The following SLC9A8 variants were observed in gnomAD, a reference collection of about 807,000 sequenced individuals.
The protein encoded by SLC9A8 is solute carrier family 9 member A8.
Under a neutral mutation model 66.6 loss-of-function variants are expected in SLC9A8, and 48 were observed. That is an observed-to-expected ratio of 0.72 (90% CI 0.57 to 0.92). SLC9A8 has a LOEUF of 0.92. Ranked by LOEUF, SLC9A8 falls within the 40% of genes least tolerant of loss-of-function variation. The probability of loss-of-function intolerance (pLI) is 0.00; values close to 1 mark genes in which losing one functional copy is unlikely to be tolerated. For synonymous variants in SLC9A8, 274 were observed against 282.6 expected, an observed-to-expected ratio of 0.97 and a Z score of 0.31; for missense variants, 599 against 747.3, an observed-to-expected ratio of 0.80 and a Z score of 2.31.
intron 3 of SLC9A8, chr20:49,829,532 AAAG>A (rs750884298): frequency 5.9e-5 from 17 of 287,840 alleles, no homozygotes; most frequent in Non-Finnish European, 1.1e-4. Flanking sequence ...CAAAAAAAAA[AAAG>A]AACCTCATGG....
chr20:49,831,121 T>G, intron 3 of SLC9A8: 1 of 557,000 alleles, frequency 1.8e-6, no homozygotes, highest in Non-Finnish European at 3.3e-6. Flanking sequence ...CTCTAATCTC[T>G]CCGCTAACTC....
At chr20:49,878,182 C>A in intron 12 of SLC9A8, 119 bp downstream of exon 12, 2 of 518,094 alleles carry the variant, frequency 3.9e-6, no homozygotes, top group Non-Finnish European at 6.4e-6. Context: ...CATAGACACT[C>A]TTTTGTTTAA....
intron 1 of SLC9A8, among the ~76,000 whole-genome samples, chr20:49,813,952 A>G (rs1353270493): frequency 6.6e-6 from 1 of 152,230 alleles, no homozygotes; most frequent in Non-Finnish European, 1.5e-5. Context: ...CCTGCAGGGC[A>G]GAGTCTGTTG....
chr20:49,851,909 A>G (rs971242719), intron 7 of SLC9A8, among the ~76,000 whole-genome samples: 2 of 152,346 alleles, frequency 1.3e-5, no homozygotes, highest in East Asian at 1.9e-4. Context: ...TTTGGGGGCA[A>G]CTGGTTAGAG....
chr20:49,885,004 G>A lies in SLC9A8; in HGVS notation c.1491+938G>A, dbSNP rs543168296. 4.6e-5 allele frequency among the ~76,000 whole-genome samples: 7 copies of A among 152,304 alleles called. No individual in the cohort carries two copies. In the South Asian group the frequency reaches 8.3e-4, roughly 18 times the overall value. On this transcript the variant is annotated intron_variant, in intron 14 of 15. Transcript: ENST00000361573. ...TCATCAGAGGCCCAGGAGTCCTCAC[G>A]TGGCCATCCACGGCTAACACTGGAG...
chr20:49,865,492 G>A (rs768594970), intron 10 of SLC9A8, among the ~76,000 whole-genome samples: 4 of 152,188 alleles, frequency 2.6e-5, no homozygotes, highest in Non-Finnish European at 5.9e-5. Context: ...CACAAGCAGT[G>A]GTGGTAGTGA....
At chr20:49,832,031 CCA>C (rs1388761309) in intron 3 of SLC9A8, among the ~76,000 whole-genome samples, 1 of 152,132 alleles carries the variant, frequency 6.6e-6, no homozygotes, top group Non-Finnish European at 1.5e-5. Flanking sequence ...TTCTGTTAGG[CCA>C]CAGACTCTTC....
At chr20:49,849,159 G>A (rs1427874531) in intron 5 of SLC9A8, among the ~76,000 whole-genome samples, 1 of 152,150 alleles carries the variant, frequency 6.6e-6, no homozygotes, top group African/African-American at 2.4e-5. Context: ...AGAGAACAAA[G>A]GCGAGCATGG....
At chr20:49,880,103 A>C (rs1450090815) in intron 12 of SLC9A8, among the ~76,000 whole-genome samples, 1 of 151,942 alleles carries the variant, frequency 6.6e-6, no homozygotes, top group Non-Finnish European at 1.5e-5. Flanking sequence ...TTTAACTAAA[A>C]AATTTTAAAA....
At chr20:49,887,230 C>G (rs917313125) in intron 15 of SLC9A8, among the ~76,000 whole-genome samples, 2 of 152,196 alleles carry the variant, frequency 1.3e-5, no homozygotes, top group South Asian at 2.1e-4. Flanking sequence ...TGGCCCAAGT[C>G]TGCCCCCAGC....
intron 11 of SLC9A8, among the ~76,000 whole-genome samples, chr20:49,875,543 T>C (rs1379399183): frequency 3.3e-5 from 5 of 152,298 alleles, no homozygotes; most frequent in African/African-American, 4.8e-5. Flanking sequence ...TAAACCACGA[T>C]GGCTTTGTCT....
At chr20:49,832,916 T>G (rs2087269312) in intron 3 of SLC9A8, among the ~76,000 whole-genome samples, 1 of 152,136 alleles carries the variant, frequency 6.6e-6, no homozygotes, top group South Asian at 2.1e-4. Flanking sequence ...CTTTCCTTTT[T>G]TTTTTTGGAG....
chr20:49,861,726 G>A (rs187882462), intron 8 of SLC9A8, among the ~76,000 whole-genome samples: 120 of 152,258 alleles, frequency 7.9e-4, no homozygotes, highest in Non-Finnish European at 1.3e-3. Flanking sequence ...ATAACTCGAT[G>A]TTCATGGTGT....
At chr20:49,875,083 A>G (rs1446348786) in intron 11 of SLC9A8, among the ~76,000 whole-genome samples, 3 of 152,190 alleles carry the variant, frequency 2.0e-5, no homozygotes, top group African/African-American at 4.8e-5. Context: ...CATTTGATAC[A>G]TGCATTTTTA....
chr20:49,868,394 G>A (rs1224321413), intron 10 of SLC9A8, among the ~76,000 whole-genome samples: 1 of 152,216 alleles, frequency 6.6e-6, no homozygotes, highest in African/African-American at 2.4e-5. Context: ...GGTTTTCAGA[G>A]AGGGGCAGGA....
At chr20:49,887,656 A>G (rs2089939525) in intron 15 of SLC9A8, among the ~76,000 whole-genome samples, 173 bp from the exon 16 acceptor site, 1 of 151,998 alleles carries the variant, frequency 6.6e-6, no homozygotes, top group African/African-American at 2.4e-5. Flanking sequence ...CTCCACCCCC[A>G]CAAAGAACAA....
At chr20:49,840,042 G>C (rs1287191417) in intron 4 of SLC9A8, among the ~76,000 whole-genome samples, 1 of 152,164 alleles carries the variant, frequency 6.6e-6, no homozygotes, top group African/African-American at 2.4e-5. Flanking sequence ...GAGGTGGATT[G>C]TCTGGGTATT....
intron 3 of SLC9A8, among the ~76,000 whole-genome samples, chr20:49,832,509 A>G (rs1263003200): frequency 1.3e-5 from 2 of 152,154 alleles, no homozygotes; most frequent in Non-Finnish European, 2.9e-5. Flanking sequence ...CATGGGTTGG[A>G]TTTTCCAAAA....
At chr20:49,844,619 TAAAAAAAA>T (rs35043669) in intron 4 of SLC9A8, among the ~76,000 whole-genome samples, 1 of 106,024 alleles carries the variant, frequency 9.4e-6, no homozygotes, top group Non-Finnish European at 1.9e-5. Flanking sequence ...CCCTGTATCT[TAAAAAAAA>T]AAAAAAAAAA....
Sources: gnomAD v4.1 joint callset for allele counts (sites outside exome capture counted in the v4.1 genomes callset) on GRCh38, gnomAD v4.1.1 for gene constraint, MANE v1.5 for transcripts, NCBI Gene and HGNC (gene_info 2026-07-23, HGNC 2026-07-21) for gene names.